Variants in SCAI observed in about 807,000 individuals in gnomAD.
SCAI encodes the protein suppressor of cancer cell invasion.
Under a neutral mutation model 92.2 loss-of-function variants are expected in SCAI, and 24 were observed. The observed-to-expected ratio is 0.26, with a 90% CI of 0.19 to 0.37. The LOEUF (loss-of-function observed/expected upper bound fraction) is 0.37, where lower values mean the gene tolerates loss of function less well. Among genes scored for constraint, SCAI ranks in the 10% least tolerant of loss-of-function variants. SCAI has a pLI of 1.00. For missense variants in SCAI, 450 were observed against 736.2 expected, an observed-to-expected ratio of 0.61 and a Z score of 4.50; for synonymous variants, 261 against 258.6, an observed-to-expected ratio of 1.01 and a Z score of -0.09.
chr9:125,003,604 C>G (rs540120883), intron 9 of SCAI, 34 bp from the exon 10 acceptor site: 4 of 1,302,144 alleles, frequency 3.1e-6, no homozygotes, highest in Non-Finnish European at 4.4e-6. Context: ...ACAACCTAGC[C>G]TTAATGCAAC....
intron 9 of SCAI, among the ~76,000 whole-genome samples, chr9:125,008,186 C>T (rs572736102): frequency 1.3e-5 from 2 of 152,126 alleles, no homozygotes; most frequent in African/African-American, 4.8e-5. Flanking sequence ...ACTCTGTCAC[C>T]CAGGCTGGAG....
intron 3 of SCAI, among the ~76,000 whole-genome samples, chr9:125,033,463 T>TAACAACAAC (rs201793470): frequency 4.0e-5 from 6 of 151,628 alleles, no homozygotes; most frequent in Admixed American, 1.3e-4. Flanking sequence ...AAATAAGGTA[T>TAACAACAAC]AACAACAACA....
intron 3 of SCAI, among the ~76,000 whole-genome samples, chr9:125,030,163 A>G (rs1022236754): frequency 1.3e-5 from 2 of 152,176 alleles, no homozygotes; most frequent in Non-Finnish European, 2.9e-5. Flanking sequence ...GCACTATTCT[A>G]TCCTCTCCCT....
chr9:125,084,898 T>A (rs1228022673), intron 2 of SCAI, among the ~76,000 whole-genome samples: 2 of 152,230 alleles, frequency 1.3e-5, no homozygotes, highest in Admixed American at 1.3e-4. Flanking sequence ...GTGATATACA[T>A]ACACTGGATG....
intron 14 of SCAI, among the ~76,000 whole-genome samples, chr9:124,981,357 A>G (rs1831881705): frequency 6.6e-6 from 1 of 152,192 alleles, no homozygotes; most frequent in Non-Finnish European, 1.5e-5. Flanking sequence ...CTCTTCTACT[A>G]ATCCGAACAA....
chr9:124,980,033 G>A (rs923277396), intron 14 of SCAI, among the ~76,000 whole-genome samples: 11 of 143,608 alleles, frequency 7.7e-5, no homozygotes, highest in Non-Finnish European at 1.7e-4. Flanking sequence ...CTGGGTGACA[G>A]AGCAAGACTC....
chr9:125,075,657 C>G (rs1170819845), intron 2 of SCAI, among the ~76,000 whole-genome samples: 2 of 151,818 alleles, frequency 1.3e-5, no homozygotes, highest in East Asian at 3.9e-4. Context: ...ACCTCCGCCT[C>G]CAGGTTCAAG....
rs1407016202 is a variant in SCAI at position 125,018,920 on chromosome 9, T to C, written c.740A>G (p.Asn247Ser). The C allele has an allele frequency of 3.7e-6, 6 of 1,613,724 alleles. No individual in the cohort carries two copies. Among genetic ancestry groups the C allele is most frequent in the African/African-American group, 1.3e-5 (1 of 74,886 alleles). ...ADPVMVLNDDNTIVITSNRLA... is the reference protein window; with the variant it reads ...ADPVMVLNDDSTIVITSNRLA... ...GCGATTCGATGTGATAACAATGGTATTATCATCATTTAATACCATTACAGG... is the reference window on the plus strand; with the variant it reads ...GCGATTCGATGTGATAACAATGGTACTATCATCATTTAATACCATTACAGG... Residue 247 changes from asparagine (N) to serine (S), a missense_variant, in exon 9 of 18, where the codon AAT (asparagine) becomes AGT (serine). Physicochemically the swap from Asn to Ser is conservative, Grantham distance 46 (BLOSUM62 1). Around this residue, in one of 3 missense-constraint regions of SCAI, gnomAD observed 360 missense variants for 601.8 expected, o/e 0.60. Transcript: ENST00000336505.
In SCAI at chr9:124,951,339, TA is replaced by T. The variant is rs1307859272; in HGVS notation, c.*1467del. 1 of 151,756 alleles carries T rather than the reference TA, an allele frequency of 6.6e-6. No individual in the cohort carries two copies. Among genetic ancestry groups the T allele is most frequent in the African/African-American group, 2.4e-5 (1 of 41,240 alleles). The allele number at this position is 151,756 out of a possible 1,614,324, so 9.4% of individuals were successfully genotyped here. A position where few individuals can be genotyped will look rare whatever the true frequency, so the allele number is the denominator to read the frequency against. On this transcript the variant is annotated 3_prime_UTR_variant, in exon 18 of 18. Transcript: ENST00000336505. ...GACCAACATGGTGAAACCCCGTCTC[TA>T]CTAAAAATACAAAAATTAGCCAGGC...
chr9:125,036,323 ATTTC>A (rs1486866282), intron 3 of SCAI, among the ~76,000 whole-genome samples: 18 of 152,172 alleles, frequency 1.2e-4, no homozygotes, highest in Non-Finnish European at 2.4e-4. Context: ...TCCTGCTACT[ATTTC>A]TATGGGGCAG....
intron 17 of SCAI, among the ~76,000 whole-genome samples, chr9:124,966,192 A>G (rs1831535867): frequency 6.6e-6 from 1 of 151,722 alleles, no homozygotes; most frequent in South Asian, 2.1e-4. Flanking sequence ...CTTGTCATTT[A>G]CATTAGGTAT....
At chr9:124,997,056 G>C (rs182316852) in intron 13 of SCAI, among the ~76,000 whole-genome samples, 69 of 152,162 alleles carry the variant, frequency 4.5e-4, no homozygotes, top group Non-Finnish European at 1.2e-4. Flanking sequence ...CAGAACTACC[G>C]TTGCACTCTG....
chr9:125,019,062 T>C, intron 8 of SCAI, 45 bp downstream of exon 8: 3 of 1,525,096 alleles, frequency 2.0e-6, no homozygotes, highest in Non-Finnish European at 2.7e-6. Context: ...AACTACACGG[T>C]CATTTATTTA....
intron 3 of SCAI, among the ~76,000 whole-genome samples, chr9:125,049,259 A>G (rs1043316819): frequency 6.6e-6 from 1 of 152,146 alleles, no homozygotes; most frequent in African/African-American, 2.4e-5. Flanking sequence ...TAGTCAAATA[A>G]TTAGTGACTT....
intron 2 of SCAI, among the ~76,000 whole-genome samples, chr9:125,115,299 G>T (rs1204542880): frequency 6.7e-6 from 1 of 149,486 alleles, no homozygotes; most frequent in African/African-American, 2.5e-5. Flanking sequence ...ATGAACTCGG[G>T]AGGCGGAGCT....
chr9:125,118,027 C>T (rs969934161), intron 2 of SCAI, among the ~76,000 whole-genome samples: 2 of 152,042 alleles, frequency 1.3e-5, no homozygotes, highest in Non-Finnish European at 2.9e-5. Context: ...TAGCACTCTG[C>T]GAAAAAAGTT....
chr9:124,945,063 T>A lies in SCAI; in HGVS notation c.*7744A>T, dbSNP rs2131558717. The A allele has an allele frequency of 6.6e-6, 1 of 152,306 alleles. No individual in the cohort carries two copies. Among genetic ancestry groups the A allele is most frequent in the South Asian group, 2.1e-4 (1 of 4,824 alleles). The allele number at this position is 152,306 out of a possible 1,614,324, so 9.4% of individuals were successfully genotyped here. Reference sequence around the variant, plus strand: ...ACAATATTACACCTAAAAAGATGATTGTCGTAGTAGACAGACTGGAATTGT... The same window carrying A: ...ACAATATTACACCTAAAAAGATGATAGTCGTAGTAGACAGACTGGAATTGT... On this transcript the variant is annotated 3_prime_UTR_variant, in exon 18 of 18. Coordinates refer to ENST00000336505, the MANE Select transcript of SCAI (RefSeq NM_001144877.3).
chr9:125,140,858 CAAA>C (rs781364834), intron 2 of SCAI, among the ~76,000 whole-genome samples: 3 of 121,876 alleles, frequency 2.5e-5, no homozygotes, highest in African/African-American at 3.1e-5. Context: ...GACCCTGTCT[CAAA>C]AAAAAAAAAA....
intron 14 of SCAI, among the ~76,000 whole-genome samples, chr9:124,977,403 G>GCCCA (rs397710309): frequency 6.6e-6 from 1 of 152,060 alleles, no homozygotes; most frequent in Non-Finnish European, 1.5e-5. Flanking sequence ...AGTGAGGCCC[G>GCCCA]GCACAGTGGC....
Sources: allele counts gnomAD v4.1 joint callset (sites outside exome capture counted in the v4.1 genomes callset), GRCh38; gene constraint gnomAD v4.1.1; regional missense constraint gnomAD v4.1.1; transcripts MANE v1.5; gene names NCBI Gene and HGNC (gene_info 2026-07-23, HGNC 2026-07-21).